The following CGNL1 variants were observed in gnomAD, a reference collection of about 807,000 sequenced individuals.
CGNL1 encodes cingulin like 1.
In CGNL1, 132 loss-of-function variants were observed where a neutral mutation model predicts 141.2. The observed-to-expected ratio is 0.93, with a 90% confidence interval of 0.81 to 1.08. The LOEUF is 1.08. Ranked by LOEUF, CGNL1 falls within the 50% of genes least tolerant of loss-of-function variation. CGNL1 has a pLI of 0.00. For synonymous variants in CGNL1, 690 were observed against 622.1 expected (o/e 1.11, Z -1.63); for missense variants, 1,870 against 1,588.6 (o/e 1.18, Z -3.01).
At chr15:57,480,000 C>G (rs571197701) in intron 8 of CGNL1, among the ~76,000 whole-genome samples, 2 of 152,194 alleles carry the variant, frequency 1.3e-5, no homozygotes, top group Non-Finnish European at 2.9e-5. Context: ...GGTGAGATTT[C>G]TGCTCCAGGA....
intron 8 of CGNL1, among the ~76,000 whole-genome samples, chr15:57,471,541 A>C (rs1355374250): frequency 6.6e-6 from 1 of 152,220 alleles, no homozygotes; most frequent in Non-Finnish European, 1.5e-5. Context: ...GGAGAAAGTG[A>C]CAAGACTTAG....
intron 1 of CGNL1, among the ~76,000 whole-genome samples, chr15:57,387,872 G>C (rs1031771873): frequency 1.3e-5 from 2 of 152,184 alleles, no homozygotes; most frequent in African/African-American, 4.8e-5. Context: ...CAGATTTGTA[G>C]CTTGTCATTG....
intron 1 of CGNL1, among the ~76,000 whole-genome samples, chr15:57,420,815 C>G (rs1196279083): frequency 9.2e-5 from 14 of 152,192 alleles, no homozygotes. Flanking sequence ...CATTAGGGAA[C>G]TAAGTTAGAA....
intron 1 of CGNL1, among the ~76,000 whole-genome samples, chr15:57,409,489 T>A (rs561911462): frequency 6.6e-6 from 1 of 152,318 alleles, no homozygotes; most frequent in South Asian, 2.1e-4. Flanking sequence ...GAGGATCAAC[T>A]TAGAAGGCCA....
intron 1 of CGNL1, among the ~76,000 whole-genome samples, chr15:57,419,808 C>A (rs936329712): frequency 6.6e-6 from 1 of 152,208 alleles, no homozygotes; most frequent in Non-Finnish European, 1.5e-5. Context: ...TTTCTATACT[C>A]TAGCTTCTGT....
At position 57,540,885 on chromosome 15, in the gene CGNL1, G is replaced by C. The variant is rs1244883268; in HGVS notation, c.3292-2811G>C. ...GACTACCCTTGCCCAGCACACAAGC[G>C]TGTGCACTCGCAGACACATGCTTGC... On this transcript the variant is annotated intron_variant, in intron 14 of 18. Coordinates refer to ENST00000281282, the MANE Select transcript of CGNL1 (RefSeq NM_032866.5). Among the ~76,000 whole-genome samples the C allele has an allele frequency of 5.3e-5, 8 of 152,340 alleles. 1 individual carries two copies. In the South Asian group the frequency reaches 1.5e-3, roughly 28 times the overall value.
intron 15 of CGNL1, 143 bp downstream of exon 15, chr15:57,543,922 G>A (rs1595817622): frequency 3.3e-6 from 2 of 609,568 alleles, no homozygotes; most frequent in Non-Finnish European, 2.9e-6. Flanking sequence ...CTTTTCCAGA[G>A]TTGTTTTTCC....
chr15:57,494,906 A>G (rs968569268), intron 8 of CGNL1, among the ~76,000 whole-genome samples: 6 of 152,224 alleles, frequency 3.9e-5, no homozygotes, highest in African/African-American at 1.4e-4. Flanking sequence ...GTAAAGCCAG[A>G]AGGTAGCTCC....
chr15:57,415,300 G>C (rs889899372), intron 1 of CGNL1, among the ~76,000 whole-genome samples: 1 of 152,158 alleles, frequency 6.6e-6, no homozygotes, highest in Non-Finnish European at 1.5e-5. Flanking sequence ...TTGAGCTGGG[G>C]AGATTATCCT....
chr15:57,539,567 G>T (rs2032449532), intron 14 of CGNL1, among the ~76,000 whole-genome samples: 2 of 152,226 alleles, frequency 1.3e-5, no homozygotes, highest in East Asian at 1.9e-4. Flanking sequence ...CAGAGGAGAA[G>T]TGTGGTGTCT....
chr15:57,469,261 G>A (rs1044904302), intron 8 of CGNL1, among the ~76,000 whole-genome samples: 2 of 151,766 alleles, frequency 1.3e-5, no homozygotes, highest in African/African-American at 2.4e-5. Context: ...GTCTCTGGGT[G>A]CCTGGAAGGG....
intron 1 of CGNL1, among the ~76,000 whole-genome samples, chr15:57,387,004 G>A (rs2062491159): frequency 6.6e-6 from 1 of 152,004 alleles, no homozygotes; most frequent in Admixed American, 6.6e-5. Context: ...ACAATGTTGT[G>A]CAACCATCAC....
At chr15:57,532,713 G>A (rs182228303) in intron 14 of CGNL1, among the ~76,000 whole-genome samples, 1 of 152,158 alleles carries the variant, frequency 6.6e-6, no homozygotes, top group East Asian at 1.9e-4. Context: ...CAAGGAAAAG[G>A]CTGCATCGTA....
At chr15:57,388,312 G>A (rs921203207) in intron 1 of CGNL1, among the ~76,000 whole-genome samples, 1 of 152,124 alleles carries the variant, frequency 6.6e-6, no homozygotes, top group African/African-American at 2.4e-5. Context: ...CCTGGGAAAA[G>A]CTAAAATAAA....
intron 7 of CGNL1, among the ~76,000 whole-genome samples, chr15:57,461,012 A>G (rs1367166275): frequency 6.6e-6 from 1 of 152,072 alleles, no homozygotes. Context: ...TGAGCTGGAA[A>G]ACTGAGAAGG....
intron 1 of CGNL1, among the ~76,000 whole-genome samples, chr15:57,410,020 A>C (rs2062768941): frequency 6.6e-6 from 1 of 152,252 alleles, no homozygotes. Flanking sequence ...CCGTTAGCCC[A>C]GAAGGTACTT....
intron 1 of CGNL1, among the ~76,000 whole-genome samples, chr15:57,409,855 C>G (rs2062766381): frequency 6.6e-6 from 1 of 152,142 alleles, no homozygotes; most frequent in Non-Finnish European, 1.5e-5. Context: ...TCCAATAAAA[C>G]CACTGCTTGG....
At position 57,438,267 on chromosome 15, in the gene CGNL1, A is replaced by G. The variant is rs775264968; in HGVS notation, c.268A>G (p.Asn90Asp). The part of the protein sequence containing the change: ...VINNLPLHSS[N>D]GSVPKENSEE... The stretch of plus-strand genomic sequence containing the variant: ...AAATAACCTGCCTCTACATTCCAGC[A>G]ATGGTTCTGTGCCAAAGGAGAACAG... The change falls in exon 2 of 19, where the codon AAT (asparagine) becomes GAT (aspartate). Residue 90 changes from asparagine to aspartate, a missense_variant. Asn to Asp is a conservative substitution (Grantham distance 23). Transcript: ENST00000281282. 28 of 1,614,062 alleles carry G rather than the reference A, an allele frequency of 1.7e-5. No individual in the cohort carries two copies. The Middle Eastern group carries it at 4.9e-4, about 28-fold the overall frequency.
At chr15:57,522,970 A>G (rs1421866035) in intron 10 of CGNL1, among the ~76,000 whole-genome samples, 1 of 152,182 alleles carries the variant, frequency 6.6e-6, no homozygotes, top group Non-Finnish European at 1.5e-5. Context: ...GTTGATGACA[A>G]CTGCCTTTAC....
Sources: allele counts gnomAD v4.1 joint callset (sites outside exome capture counted in the v4.1 genomes callset), GRCh38; gene constraint gnomAD v4.1.1; transcripts MANE v1.5; gene names NCBI Gene and HGNC (gene_info 2026-07-23, HGNC 2026-07-21).